The following IGDCC4 variants were observed in gnomAD, a reference collection of about 807,000 sequenced individuals.
IGDCC4 encodes likely ortholog of mouse neighbor of Punc E11.
IGDCC4 carries 72 observed loss-of-function variants against 116.6 expected under a neutral mutation model. That is an observed-to-expected ratio of 0.62 (90% CI 0.51 to 0.75). The LOEUF (loss-of-function observed/expected upper bound fraction) is 0.75. Ranked by LOEUF, IGDCC4 falls within the 30% of genes least tolerant of loss-of-function variation. The pLI is 0.00. For missense variants in IGDCC4, 1,501 were observed against 1,662.4 expected (o/e 0.90, Z 1.69); for synonymous variants, 709 against 719.9 (o/e 0.98, Z 0.24).
rs758966853 is a variant in IGDCC4 at position 65,402,370 on chromosome 15, T to TA, written c.680dup (p.Leu228ThrfsTer43). On this transcript the variant is annotated frameshift_variant, in exon 4 of 20. Transcript: ENST00000352385. LOFTEE classifies it high-confidence loss of function. ...CCTTACCTCTGTGGGCCACACTGAGTAGGGCCTCCTGGCTGAAGTGCTGGC... is the reference window on the plus strand; with the variant it reads ...CCTTACCTCTGTGGGCCACACTGAGTAAGGGCCTCCTGGCTGAAGTGCTGGC... 6.4e-7 allele frequency: 1 copy of TA among 1,570,268 alleles called. No homozygotes were observed. The highest frequency in any genetic ancestry group is 1.2e-5 in the South Asian group (1 of 85,288).
Position 65,385,990 on chromosome 15 carries a change from A to G in IGDCC4, c.3021T>C (p.Leu1007=), listed in dbSNP as rs2091453774. The change falls in exon 18 of 20, where the codon CTT becomes CTC. Residue 1007 remains leucine (L), a synonymous_variant. Coordinates refer to ENST00000352385, the MANE Select transcript of IGDCC4 (RefSeq NM_020962.3). Reference sequence around the variant, plus strand: ...GGGCAGCTGGGGGGCTGGGGGGGCCAAGCCGAGCTCTGGAGTACAGCGCGG... The same window carrying G: ...GGGCAGCTGGGGGGCTGGGGGGGCCGAGCCGAGCTCTGGAGTACAGCGCGG... ...GNPALYSRAR[L]GPPSPPAAHE... 6.3e-7 allele frequency: 1 copy of G among 1,599,652 alleles called. No homozygotes were observed. The highest frequency in any genetic ancestry group is 8.5e-7 in the Non-Finnish European group (1 of 1,174,348).
intron 2 of IGDCC4, chr15:65,410,660 C>T (rs2063082496): frequency 4.4e-6 from 2 of 458,412 alleles, no homozygotes; most frequent in Non-Finnish European, 7.9e-6. Flanking sequence ...GGGTTTGGCT[C>T]CACATGTTCC....
At chr15:65,400,123 GT>G (rs2062970001) in intron 5 of IGDCC4, among the ~76,000 whole-genome samples, 1 of 152,214 alleles carries the variant, frequency 6.6e-6, no homozygotes, top group African/African-American at 2.4e-5. Flanking sequence ...AGGAGAACAG[GT>G]GTGAAAGTGC....
intron 3 of IGDCC4, 135 bp from the exon 4 acceptor site, chr15:65,402,622 A>G: frequency 8.4e-7 from 1 of 1,195,860 alleles, no homozygotes; most frequent in Non-Finnish European, 1.1e-6. Flanking sequence ...TAATCCCAGC[A>G]CTTTGGGAGG....
In IGDCC4 at chr15:65,384,871, G is replaced by A; in HGVS notation, c.3342+83C>T. The stretch of plus-strand genomic sequence containing the variant: ...TCCCCAGGAAAGTTACCACCCAGGG[G>A]TCTCCAGAGAACTCATTACTTCCTC... On this transcript the variant is annotated intron_variant, in intron 19 of 19. Coordinates refer to ENST00000352385, the MANE Select transcript of IGDCC4 (RefSeq NM_020962.3). The surrounding 1 kb of genome is among the most constrained non-coding windows in gnomAD (Gnocchi z 4.9). The A allele has an allele frequency of 1.3e-6, 2 of 1,502,374 alleles. No homozygotes were observed. The highest frequency in any genetic ancestry group is 1.8e-4 in the Middle Eastern group (1 of 5,624). The allele number at this position is 1,502,374 out of a possible 1,614,324, so 93.1% of individuals were successfully genotyped here.
intron 12 of IGDCC4, among the ~76,000 whole-genome samples, chr15:65,391,464 T>C (rs1023539364): frequency 1.3e-5 from 2 of 152,204 alleles, no homozygotes; most frequent in Non-Finnish European, 2.9e-5. Context: ...TCTCTGAGCC[T>C]CAGTTTCCCG....
chr15:65,409,891 A>G (rs1178954080), intron 3 of IGDCC4, among the ~76,000 whole-genome samples: 1 of 152,160 alleles, frequency 6.6e-6, no homozygotes, highest in Non-Finnish European at 1.5e-5. Context: ...TCTGGCCTTC[A>G]GTCTCCACAA....
At chr15:65,390,003 G>T in intron 13 of IGDCC4, 152 bp downstream of exon 13, 1 of 644,778 alleles carries the variant, frequency 1.6e-6, no homozygotes, top group South Asian at 2.7e-5. Context: ...ACCCTGTGCA[G>T]CCCCTCTGTG....
intron 2 of IGDCC4, chr15:65,410,561 A>T: frequency 3.6e-6 from 2 of 560,538 alleles, no homozygotes; most frequent in Non-Finnish European, 6.4e-6. Context: ...CAAACTATAC[A>T]GTAAGATGCA....
At chr15:65,388,676 C>G (rs1483896742) in intron 15 of IGDCC4, 90 bp from the exon 16 acceptor site, 2 of 1,597,702 alleles carry the variant, frequency 1.3e-6, no homozygotes, top group African/African-American at 2.7e-5. Flanking sequence ...AGAGTCTGCT[C>G]TCCACTTAGG....
At chr15:65,422,649 C>G in intron 1 of IGDCC4, 144 bp downstream of exon 1, 2 of 531,748 alleles carry the variant, frequency 3.8e-6, no homozygotes, top group Non-Finnish European at 5.5e-6. Flanking sequence ...GACCCCCGCG[C>G]AGGCATCGCG....
intron 1 of IGDCC4, 126 bp downstream of exon 1, chr15:65,422,667 G>C: frequency 1.4e-6 from 1 of 719,260 alleles, no homozygotes; most frequent in Non-Finnish European, 1.9e-6. Flanking sequence ...GCGGGCACCT[G>C]GACGCGCAGC....
chr15:65,390,330 T>C lies in IGDCC4; in HGVS notation c.2233A>G (p.Ile745Val). The change falls in exon 13 of 20, where the codon ATC becomes GTC. Residue 745 changes from isoleucine to valine, a missense_variant. Physicochemically the swap from Ile to Val is conservative, Grantham distance 29 (BLOSUM62 3). Transcript: ENST00000352385. Reference sequence around the variant, plus strand: ...GGAGGCAGGGGTGGTCCCCTCTGGATAGGCATGTCTGAAAGGTGAAAACTA... The same window carrying C: ...GGAGGCAGGGGTGGTCCCCTCTGGACAGGCATGTCTGAAAGGTGAAAACTA... Reference protein sequence around the residue: ...TEKAPAPDMPIQRGPPLPPAH... With the variant: ...TEKAPAPDMPVQRGPPLPPAH... 1.3e-6 allele frequency: 2 copies of C among 1,592,692 alleles called. No homozygotes were observed. Among genetic ancestry groups the C allele is most frequent in the Non-Finnish European group, 1.7e-6 (2 of 1,163,040 alleles).
chr15:65,396,397 C>G, intron 6 of IGDCC4: 1 of 681,748 alleles, frequency 1.5e-6, no homozygotes, highest in Non-Finnish European at 2.7e-6. Context: ...CAAAACTGTC[C>G]CCAGGCCTCC....
At chr15:65,416,577 C>T (rs1474615601) in intron 1 of IGDCC4, among the ~76,000 whole-genome samples, 2 of 151,802 alleles carry the variant, frequency 1.3e-5, no homozygotes, top group Non-Finnish European at 1.5e-5. Flanking sequence ...GCTTCATGGC[C>T]AGCGCTTACT....
rs1449241829 is a variant in IGDCC4, at chr15:65,383,902, G to T, written c.*107C>A. ...CAAAGCAACTTAGGAAGCTCCAAAG[G>T]GCTTGATGATGTATCTACAGGCACA... On this transcript the variant is annotated 3_prime_UTR_variant, in exon 20 of 20. Coordinates refer to ENST00000352385, the MANE Select transcript of IGDCC4 (RefSeq NM_020962.3). The T allele has an allele frequency of 9.1e-7, 1 of 1,099,810 alleles. No individual in the cohort carries two copies. The highest frequency in any genetic ancestry group is 1.3e-6 in the Non-Finnish European group (1 of 795,896). 68.1% of individuals were successfully genotyped at this position (1,099,810 alleles called of 1,614,324 possible).
chr15:65,402,378 C>T lies in IGDCC4; in HGVS notation c.673G>A (p.Glu225Lys). 2 of 1,571,120 alleles carry T rather than the reference C, an allele frequency of 1.3e-6. No homozygotes were observed. The highest frequency in any genetic ancestry group is 2.7e-5 in the African/African-American group (2 of 74,164). The change falls in exon 4 of 20, where the codon GAG becomes AAG. Residue 225 changes from glutamate to lysine, a missense_variant. This residue lies in a region of IGDCC4 where 898 missense variants were observed against 978.9 expected (regional missense o/e 0.92). Coordinates refer to ENST00000352385, the MANE Select transcript of IGDCC4 (RefSeq NM_020962.3). ...CTGTGGGCCACACTGAGTAGGGCCT[C>T]CTGGCTGAAGTGCTGGCGAGCTGAG... ...TNSARQHFSQ[E>K]ALLSVAHRGS...
rs758704410 is a variant in IGDCC4 at position 65,384,166 on chromosome 15, C to T, written c.3596G>A (p.Cys1199Tyr). Residue 1199 changes from cysteine to tyrosine, a missense_variant, in exon 20 of 20, where the codon TGC (cysteine) becomes TAC (tyrosine). Cys to Tyr is a radical substitution (Grantham distance 194). Around this residue, in one of 3 missense-constraint regions of IGDCC4, gnomAD observed 368 missense variants for 355.6 expected, o/e 1.03. Transcript: ENST00000352385. This position sits in a 1 kb window ranked among gnomAD's most constrained non-coding sequence, Gnocchi z 4.9. ...GGAAGCACTGGCTGCCTCTGGCAAG[C>T]AGGTAAGTCTGTCTGGCCCGGGGGC... ...LAAPGPDRLT[C>Y]LPEAASASCS... 2 of 1,613,628 alleles carry T rather than the reference C, an allele frequency of 1.2e-6. No homozygotes were observed. The highest frequency in any genetic ancestry group is 3.3e-5 in the Admixed American group (2 of 59,978).
chr15:65,386,159 ATCTCTGG>A, intron 17 of IGDCC4, 100 bp from the exon 18 acceptor site: 5 of 754,960 alleles, frequency 6.6e-6, no homozygotes, highest in Non-Finnish European at 1.1e-5. Flanking sequence ...GTTCCTGCCC[ATCTCTGG>A]GATTTGCTTT....
Sources: gnomAD v4.1 joint callset for allele counts (sites outside exome capture counted in the v4.1 genomes callset) on GRCh38, gnomAD v4.1.1 for gene constraint, gnomAD v4.1.1 regional missense constraint, Gnocchi (gnomAD v3.1) non-coding constraint, MANE v1.5 for transcripts, NCBI Gene and HGNC (gene_info 2026-07-23, HGNC 2026-07-21) for gene names.